Variants in ABI3BP observed in about 807,000 individuals in gnomAD.
ABI3BP encodes the protein target of Nesh-SH3.
ABI3BP carries 216 observed loss-of-function variants against 268.6 expected under a neutral mutation model. The observed-to-expected ratio is 0.80, with a 90% confidence interval of 0.72 to 0.90. The LOEUF is 0.90. Ranked by LOEUF, ABI3BP falls within the 40% of genes least tolerant of loss-of-function variation. The pLI is 0.00. For missense variants in ABI3BP, 2,090 were observed against 2,182.4 expected, an observed-to-expected ratio of 0.96 and a Z score of 0.84; for synonymous variants, 730 against 730.0, an observed-to-expected ratio of 1.00 and a Z score of 0.00.
chr3:100,968,396 A>G (rs2082174444), intron 1 of ABI3BP, among the ~76,000 whole-genome samples: 2 of 152,218 alleles, frequency 1.3e-5, no homozygotes, highest in African/African-American at 4.8e-5. Context: ...AGAAATGTAT[A>G]CAGCTATACA....
In ABI3BP at chr3:100,754,041, G is replaced by C. The variant is rs369561264; in HGVS notation, c.4931-193C>G. On this transcript the variant is annotated intron_variant, in intron 64 of 67. Coordinates refer to ENST00000471714, the MANE Select transcript of ABI3BP (RefSeq NM_001375547.2). The stretch of plus-strand genomic sequence containing the variant: ...TCTTGATTGAATAATCTCCTGCCTG[G>C]TAGGTATTCAGCTGTATCTGTTACA... Among the ~76,000 whole-genome samples, 6 of 152,304 alleles carry C rather than the reference G, an allele frequency of 3.9e-5. No homozygotes were observed. In the South Asian group the frequency reaches 1.2e-3, roughly 32 times the overall value.
At chr3:100,770,240 A>G (rs908575790) in intron 62 of ABI3BP, among the ~76,000 whole-genome samples, 11 of 152,178 alleles carry the variant, frequency 7.2e-5, no homozygotes, top group African/African-American at 1.4e-4. Context: ...AGTTTTTACA[A>G]TCATTTTTAG....
At chr3:100,813,541 T>G (rs2097916742) in intron 45 of ABI3BP, 120 bp downstream of exon 45, 3 of 700,156 alleles carry the variant, frequency 4.3e-6, no homozygotes, top group Non-Finnish European at 6.9e-6. Flanking sequence ...TTGTGCAATA[T>G]TTACAGTTAT....
chr3:100,819,947 CAAAAAAAA>C (rs3029879), intron 40 of ABI3BP, among the ~76,000 whole-genome samples: 4 of 94,640 alleles, frequency 4.2e-5, no homozygotes, highest in African/African-American at 1.2e-4. Flanking sequence ...GACTCCGTCT[CAAAAAAAA>C]AAAAAAAAAA....
At chr3:100,934,644 GT>G (rs2065205900) in intron 1 of ABI3BP, among the ~76,000 whole-genome samples, 1 of 152,124 alleles carries the variant, frequency 6.6e-6, no homozygotes. Flanking sequence ...TCCAGCATCT[GT>G]TGTTTCCTGA....
At chr3:100,835,416 T>C (rs1421122053) in intron 28 of ABI3BP, among the ~76,000 whole-genome samples, 185 bp downstream of exon 28, 2 of 152,194 alleles carry the variant, frequency 1.3e-5, no homozygotes, top group Non-Finnish European at 2.9e-5. Flanking sequence ...TAGTGGCGTA[T>C]GGGCTTATAA....
At chr3:100,813,265 T>C (rs1208475130) in intron 45 of ABI3BP, among the ~76,000 whole-genome samples, 1 of 152,166 alleles carries the variant, frequency 6.6e-6, no homozygotes, top group Non-Finnish European at 1.5e-5. Flanking sequence ...AAGTGAGAAA[T>C]TTCTCCTTCC....
Position 100,840,143 on chromosome 3 carries a change from G to C in ABI3BP, c.1826C>G (p.Pro609Arg). 6.5e-7 allele frequency: 1 copy of C among 1,531,894 alleles called. No homozygotes were observed. The highest frequency in any genetic ancestry group is 8.7e-7 in the Non-Finnish European group (1 of 1,145,074). 94.9% of individuals were successfully genotyped at this position (1,531,894 alleles called of 1,614,324 possible). ...TTLAPRKTKR[P>R]GRRPRPRPRP... is the part of the protein sequence containing the mutation. ...GGGACGGGGGCGGGGGCGACGACCTGGTCTTTTGGTCTTTCGTGGTGCTGA... is the reference window on the plus strand; with the variant it reads ...GGGACGGGGGCGGGGGCGACGACCTCGTCTTTTGGTCTTTCGTGGTGCTGA... The change falls in exon 23 of 68, where the codon CCA becomes CGA. Residue 609 changes from proline to arginine, a missense_variant. Physicochemically the swap from Pro to Arg is moderately radical, Grantham distance 103. Transcript: ENST00000471714.
intron 9 of ABI3BP, among the ~76,000 whole-genome samples, chr3:100,871,488 G>A (rs1473355700): frequency 3.9e-5 from 6 of 152,084 alleles, no homozygotes; most frequent in Admixed American, 6.6e-5. Context: ...CACATGTTGC[G>A]GGAGGGGCCT....
chr3:100,983,381 A>G lies in ABI3BP; in HGVS notation c.79+9925T>C, dbSNP rs78151945. Among the ~76,000 whole-genome samples, 634 of 152,372 alleles carry G rather than the reference A, an allele frequency of 4.2e-3. 11 individuals are homozygous for G. The East Asian group carries it at 0.061, about 15-fold the overall frequency. ...CACAATTAAAGAAATTATTTTCAGT[A>G]TAATTTATATAACCCGTACTTTCTG... On this transcript the variant is annotated intron_variant, in intron 1 of 67. Coordinates refer to ENST00000471714, the MANE Select transcript of ABI3BP (RefSeq NM_001375547.2).
rs568738041 is a variant in ABI3BP at position 100,761,548 on chromosome 3, T to A, written c.4850+4293A>T. On this transcript the variant is annotated intron_variant, in intron 63 of 67. Coordinates refer to ENST00000471714, the MANE Select transcript of ABI3BP (RefSeq NM_001375547.2). ...CATTAGCAAAACAGCTGCTGGATGG[T>A]CCTTTGGACAATTTTTTGAGCTTCT... Among the ~76,000 whole-genome samples the A allele has an allele frequency of 2.2e-4, 33 of 152,028 alleles. No individual in the cohort carries two copies. The South Asian group carries it at 6.9e-3, about 32-fold the overall frequency.
rs1392688644 is a variant in ABI3BP at position 100,902,681 on chromosome 3, C to G, written c.265G>C (p.Glu89Gln). 6.2e-7 allele frequency: 1 copy of G among 1,613,826 alleles called. No homozygotes were observed. Among genetic ancestry groups the G allele is most frequent in the South Asian group, 1.1e-5 (1 of 91,052 alleles). Residue 89 changes from glutamate to glutamine, a missense_variant, in exon 3 of 68, where the codon GAG becomes CAG. Glu to Gln is a conservative substitution (Grantham distance 29). Coordinates refer to ENST00000471714, the MANE Select transcript of ABI3BP (RefSeq NM_001375547.2). ...CGCACAACTATCAGATATTTCGGCT[C>G]TGCATCTGGAAGCAATAACATTATT... is the stretch of plus-strand genomic sequence containing the variant. ...GKFTEAIVDA[E>Q]PKYLIVVRPA...
intron 63 of ABI3BP, among the ~76,000 whole-genome samples, chr3:100,765,173 TTCAG>T (rs1368643901): frequency 4.6e-5 from 7 of 152,114 alleles, no homozygotes; most frequent in Admixed American, 4.6e-4. Flanking sequence ...TTATTTTTCT[TTCAG>T]TAATAAAATG....
At chr3:100,874,178 G>A (rs1474009012) in intron 9 of ABI3BP, among the ~76,000 whole-genome samples, 3 of 152,114 alleles carry the variant, frequency 2.0e-5, no homozygotes, top group Non-Finnish European at 4.4e-5. Flanking sequence ...CAGTAATTCG[G>A]GAGGTGGGTT....
intron 4 of ABI3BP, among the ~76,000 whole-genome samples, chr3:100,896,869 T>C (rs575055558): frequency 3.3e-5 from 5 of 152,270 alleles, no homozygotes; most frequent in Non-Finnish European, 7.4e-5. Flanking sequence ...AAAAATTGGG[T>C]TTTGGAAATA....
Position 100,754,680 on chromosome 3 carries a change from T to A in ABI3BP, c.4862A>T (p.Gln1621Leu). ...ACCAAGCGGGTTTTTGGGTTTCACC[T>A]GGAATTCATAACTGTTTAGGGGAAA... Reference protein sequence around the residue: ...NLKPNTSYEFQVKPKNPLGEG... With the variant: ...NLKPNTSYEFLVKPKNPLGEG... The change falls in exon 64 of 68, where the codon CAG (glutamine) becomes CTG (leucine). Residue 1621 changes from glutamine (Q) to leucine (L), a missense_variant. Transcript: ENST00000471714. 1 of 1,585,214 alleles carries A rather than the reference T, an allele frequency of 6.3e-7. No individual in the cohort carries two copies.
chr3:100,769,030 A>G (rs977164610), intron 62 of ABI3BP, among the ~76,000 whole-genome samples: 7 of 152,236 alleles, frequency 4.6e-5, no homozygotes, highest in African/African-American at 1.7e-4. Context: ...ACTCTATTAT[A>G]TCTCAGTTCC....
At chr3:100,771,462 A>G (rs1444199209) in intron 61 of ABI3BP, among the ~76,000 whole-genome samples, 1 of 152,202 alleles carries the variant, frequency 6.6e-6, no homozygotes, top group African/African-American at 2.4e-5. Flanking sequence ...AGGAGAAAAA[A>G]ATCAATCATT....
At chr3:100,932,518 A>G (rs1459247267) in intron 1 of ABI3BP, among the ~76,000 whole-genome samples, 2 of 151,190 alleles carry the variant, frequency 1.3e-5, no homozygotes, top group African/African-American at 2.4e-5. Context: ...AAATAACCCC[A>G]TTTTAAAAAA....
Sources: allele counts gnomAD v4.1 joint callset (sites outside exome capture counted in the v4.1 genomes callset), GRCh38; gene constraint gnomAD v4.1.1; transcripts MANE v1.5; gene names NCBI Gene and HGNC (gene_info 2026-07-23, HGNC 2026-07-21).